PHACTR4: variants seen among roughly 807,000 people sequenced by gnomAD.
The protein encoded by PHACTR4 is protein phosphatase 1, regulatory subunit 124.
PHACTR4 carries 51 observed loss-of-function variants against 72.7 expected under a neutral mutation model. The observed-to-expected ratio is 0.70, with a 90% CI of 0.56 to 0.89. The LOEUF is 0.89. Among genes scored for constraint, PHACTR4 ranks in the 40% least tolerant of loss-of-function variants. The probability of loss-of-function intolerance (pLI) is 0.00; values close to 1 mark genes in which losing one functional copy is unlikely to be tolerated. For synonymous variants in PHACTR4, 255 were observed against 302.5 expected (o/e 0.84, Z 1.63); for missense variants, 731 against 861.8 (o/e 0.85, Z 1.90).
chr1:28,438,364 G>A, intron 2 of PHACTR4: 3 of 1,607,578 alleles, frequency 1.9e-6, no homozygotes, highest in South Asian at 1.1e-5. Flanking sequence ...GTTGTCGTGA[G>A]ATACATCAGA....
chr1:28,434,133 A>G (rs765400706), intron 2 of PHACTR4, among the ~76,000 whole-genome samples: 11 of 152,230 alleles, frequency 7.2e-5, no homozygotes, highest in South Asian at 2.1e-4. Context: ...TGGAAAATAA[A>G]TATTTCTTTT....
intron 8 of PHACTR4, among the ~76,000 whole-genome samples, chr1:28,479,377 G>T (rs1429742103): frequency 2.8e-5 from 4 of 144,226 alleles, no homozygotes; most frequent in Non-Finnish European, 5.9e-5. Context: ...CCAAGACTGT[G>T]CCACTACACT....
At chr1:28,446,747 CCAGCCTGGG>C (rs1657500725) in intron 2 of PHACTR4, among the ~76,000 whole-genome samples, 1 of 152,004 alleles carries the variant, frequency 6.6e-6, no homozygotes. Context: ...CCACTGTACT[CCAGCCTGGG>C]CAACAGAGTG....
Position 28,486,086 on chromosome 1 carries a change from G to T in PHACTR4, c.1761-3084G>T, listed in dbSNP as rs150629112. ...TAAAAGACTGACAAGGCCGGGTGTG[G>T]TGGCTCACCCCTGTAATCCCAGCAC... On this transcript the variant is annotated intron_variant, in intron 9 of 13. Transcript: ENST00000373839. Among the ~76,000 whole-genome samples, 769 of 152,212 alleles carry T rather than the reference G, an allele frequency of 5.1e-3. 5 individuals are homozygous for T. Among genetic ancestry groups the T allele is most frequent in the African/African-American group, 0.017 (721 of 41,548 alleles).
intron 2 of PHACTR4, among the ~76,000 whole-genome samples, chr1:28,447,212 G>A (rs571449561): frequency 4.0e-5 from 6 of 151,690 alleles, no homozygotes; most frequent in African/African-American, 9.7e-5. Flanking sequence ...GGGTTTCGCC[G>A]TATTGGCCAG....
intron 2 of PHACTR4, among the ~76,000 whole-genome samples, chr1:28,417,143 G>C (rs1356404087): frequency 6.6e-6 from 1 of 151,310 alleles, no homozygotes; most frequent in Non-Finnish European, 1.5e-5. Context: ...AAAATCCTAT[G>C]TAGACTAGTG....
At chr1:28,385,528 G>A (rs971201695) in intron 1 of PHACTR4, among the ~76,000 whole-genome samples, 2 of 131,328 alleles carry the variant, frequency 1.5e-5, no homozygotes, top group African/African-American at 6.0e-5. Context: ...GGGCGACAGA[G>A]CAAGACTCTG....
At chr1:28,459,314 T>A in intron 3 of PHACTR4, 56 bp downstream of exon 3, 1 of 1,490,606 alleles carries the variant, frequency 6.7e-7, no homozygotes, top group Non-Finnish European at 9.2e-7. Context: ...ATGTTAGATG[T>A]ATTTAATTTT....
intron 1 of PHACTR4, among the ~76,000 whole-genome samples, chr1:28,370,850 G>A (rs1651188994): frequency 6.6e-6 from 1 of 152,186 alleles, no homozygotes; most frequent in East Asian, 1.9e-4. Context: ...AACTATTCTG[G>A]AGGCTGAGGC....
chr1:28,391,604 T>G (rs865926774), intron 1 of PHACTR4, among the ~76,000 whole-genome samples: 103 of 65,740 alleles, frequency 1.6e-3, no homozygotes, highest in African/African-American at 7.9e-3. Context: ...ATATTCTTTT[T>G]TTTTTTTTTT....
rs547455788 is a variant in PHACTR4, at chr1:28,389,757, G to A, written c.-38-17653G>A. ...CCCACCAAGTTTTGGGATTACAGGC[G>A]TGAGCCACCGCGCCTGGCCTGTACA... On this transcript the variant is annotated intron_variant, in intron 1 of 13. Transcript: ENST00000373839. 2.0e-5 allele frequency among the ~76,000 whole-genome samples: 3 copies of A among 152,230 alleles called. No individual in the cohort carries two copies. In the East Asian group the frequency reaches 5.8e-4, roughly 29 times the overall value.
intron 2 of PHACTR4, among the ~76,000 whole-genome samples, chr1:28,443,371 T>G (rs1657191909): frequency 6.6e-6 from 1 of 151,952 alleles, no homozygotes; most frequent in Non-Finnish European, 1.5e-5. Flanking sequence ...AACCTCCACC[T>G]CCCAGGTTCA....
intron 1 of PHACTR4, among the ~76,000 whole-genome samples, chr1:28,371,333 T>C (rs1364766501): frequency 6.6e-6 from 1 of 152,148 alleles, no homozygotes; most frequent in African/African-American, 2.4e-5. Flanking sequence ...CTCACTTTGT[T>C]ACCCAGGCTG....
chr1:28,415,639 C>G (rs1271125291), intron 2 of PHACTR4, among the ~76,000 whole-genome samples: 4 of 151,962 alleles, frequency 2.6e-5, no homozygotes, highest in African/African-American at 9.7e-5. Flanking sequence ...TTCTATATAC[C>G]CTCTCTTGTA....
intron 2 of PHACTR4, among the ~76,000 whole-genome samples, chr1:28,410,793 A>G (rs1654728173): frequency 6.6e-6 from 1 of 151,532 alleles, no homozygotes; most frequent in Admixed American, 6.6e-5. Context: ...TGCAACCTCC[A>G]CCTCCCGGGT....
At chr1:28,453,503 T>A (rs1658129600) in intron 2 of PHACTR4, 2 of 414,068 alleles carry the variant, frequency 4.8e-6, no homozygotes, top group East Asian at 7.1e-5. Flanking sequence ...GCCATTTTTA[T>A]AAGTATATAT....
intron 2 of PHACTR4, among the ~76,000 whole-genome samples, chr1:28,411,450 C>T (rs1441743243): frequency 6.6e-6 from 1 of 152,158 alleles, no homozygotes; most frequent in Non-Finnish European, 1.5e-5. Flanking sequence ...TATTTAACTA[C>T]CATTCTCCTC....
At chr1:28,400,736 C>T (rs1653882320) in intron 1 of PHACTR4, among the ~76,000 whole-genome samples, 1 of 152,082 alleles carries the variant, frequency 6.6e-6, no homozygotes. Flanking sequence ...CGCGCCACCA[C>T]GCCCTGCTAA....
intron 9 of PHACTR4, among the ~76,000 whole-genome samples, 154 bp downstream of exon 9, chr1:28,480,758 G>A (rs987175788): frequency 4.6e-5 from 7 of 150,620 alleles, no homozygotes; most frequent in South Asian, 2.1e-4. Context: ...GCGCGATCTC[G>A]GCTCACTGTA....
Sources: allele counts gnomAD v4.1 joint callset (sites outside exome capture counted in the v4.1 genomes callset), GRCh38; gene constraint gnomAD v4.1.1; transcripts MANE v1.5; gene names NCBI Gene and HGNC (gene_info 2026-07-23, HGNC 2026-07-21).